Variants in AKAP19 observed in about 807,000 individuals in gnomAD.
AKAP19 encodes the protein A-kinase anchoring protein 19, also known as small A-kinase anchoring protein.
At chr2:190,144,755 T>C in the AKAP19 span, among the ~76,000 whole-genome samples, 3 of 151,934 alleles carry the variant, frequency 2.0e-5, no homozygotes, top group African/African-American at 7.3e-5. Context: ...GGTGGGCAGA[T>C]CACCTGAGGT....
At chr2:190,076,879 T>C in the AKAP19 span, among the ~76,000 whole-genome samples, 6 of 152,206 alleles carry the variant, frequency 3.9e-5, no homozygotes, top group Non-Finnish European at 8.8e-5. Context: ...CTCATCATTT[T>C]CTGGGACTGT....
At chr2:190,024,883 T>C in the AKAP19 span, among the ~76,000 whole-genome samples, 1 of 152,216 alleles carries the variant, frequency 6.6e-6, no homozygotes, top group East Asian at 1.9e-4. Context: ...TTTAAATAGC[T>C]GTCTAATGCT....
chr2:189,921,470 C>T, the AKAP19 span, among the ~76,000 whole-genome samples: 918 of 152,142 alleles, frequency 6.0e-3, 13 homozygotes, highest in African/African-American at 0.021. Flanking sequence ...TGAAGATCCC[C>T]AATATGGTGA....
the AKAP19 span, among the ~76,000 whole-genome samples, chr2:189,886,635 C>T: frequency 6.6e-6 from 1 of 152,178 alleles, no homozygotes; most frequent in African/African-American, 2.4e-5. Flanking sequence ...AACGTCATAT[C>T]AGCAAGGTGA....
At chr2:190,086,198 A>G in the AKAP19 span, among the ~76,000 whole-genome samples, 1 of 152,236 alleles carries the variant, frequency 6.6e-6, no homozygotes, top group Non-Finnish European at 1.5e-5. Context: ...TGGCCTCACT[A>G]TCAATGGAAA....
the AKAP19 span, among the ~76,000 whole-genome samples, chr2:190,166,753 C>T: frequency 1.7e-4 from 26 of 152,236 alleles, 1 homozygote; most frequent in African/African-American, 5.8e-4. Context: ...TAGAATGGGA[C>T]TTCCTTGATC....
the AKAP19 span, among the ~76,000 whole-genome samples, chr2:190,110,294 T>A: frequency 6.6e-6 from 1 of 152,208 alleles, no homozygotes; most frequent in African/African-American, 2.4e-5. Context: ...AGATAAAATA[T>A]CACAGTATGA....
the AKAP19 span, among the ~76,000 whole-genome samples, chr2:189,962,799 A>G: frequency 6.6e-6 from 1 of 152,144 alleles, no homozygotes; most frequent in East Asian, 1.9e-4. Context: ...ATTTTAGCAA[A>G]GCACTATGTA....
the AKAP19 span, among the ~76,000 whole-genome samples, chr2:189,989,449 G>A: frequency 6.6e-6 from 1 of 151,514 alleles, no homozygotes; most frequent in Non-Finnish European, 1.5e-5. Flanking sequence ...TAAAAAAAAA[G>A]AAATGAAAAA....
the AKAP19 span, among the ~76,000 whole-genome samples, chr2:190,192,633 C>T: frequency 6.6e-6 from 1 of 152,004 alleles, no homozygotes; most frequent in Non-Finnish European, 1.5e-5. Context: ...AGAATATTGT[C>T]TTTCAGATCA....
chr2:190,029,033 G>A, the AKAP19 span, among the ~76,000 whole-genome samples: 1 of 152,024 alleles, frequency 6.6e-6, no homozygotes, highest in Non-Finnish European at 1.5e-5. Flanking sequence ...GTGGTGAGGT[G>A]TGGTAAGATG....
the AKAP19 span, among the ~76,000 whole-genome samples, chr2:189,938,339 A>C: frequency 6.6e-6 from 1 of 150,430 alleles, no homozygotes. Context: ...CCATCTCCAA[A>C]AAAAAAAAAA....
chr2:190,042,461 C>A, the AKAP19 span, among the ~76,000 whole-genome samples: 3 of 151,086 alleles, frequency 2.0e-5, no homozygotes, highest in Non-Finnish European at 3.0e-5. Flanking sequence ...TTCAAAAAAA[C>A]AACTCCTGGA....
At chr2:190,027,783 CTATAAG>C in the AKAP19 span, among the ~76,000 whole-genome samples, 1 of 152,292 alleles carries the variant, frequency 6.6e-6, no homozygotes, top group South Asian at 2.1e-4. Context: ...TTTACAAGGA[CTATAAG>C]TATATGGTAG....
chr2:190,180,798 C>T, the AKAP19 span: 1 of 985,318 alleles, frequency 1.0e-6, no homozygotes, highest in Non-Finnish European at 1.2e-6. The surrounding 1 kb of genome is among the most constrained non-coding windows in gnomAD (Gnocchi z 6.8). Flanking sequence ...GCGCGGCGGG[C>T]GCGGCGGCGA....
the AKAP19 span, chr2:190,180,362 C>T: frequency 4.5e-5 from 31 of 686,910 alleles, no homozygotes; most frequent in Admixed American, 1.3e-4. The surrounding 1 kb of genome is among the most constrained non-coding windows in gnomAD (Gnocchi z 6.8). Flanking sequence ...AGGCAGGCCC[C>T]GCGGGGGAGA....
At chr2:190,091,563 A>ACACACACAC in the AKAP19 span, among the ~76,000 whole-genome samples, 4 of 10,076 alleles carry the variant, frequency 4.0e-4, no homozygotes, top group Admixed American at 3.6e-3. Context: ...CACACACACA[A>ACACACACAC]GTAGCCCAAA....
the AKAP19 span, among the ~76,000 whole-genome samples, chr2:189,921,866 A>G: frequency 6.6e-6 from 1 of 152,194 alleles, no homozygotes; most frequent in Non-Finnish European, 1.5e-5. Flanking sequence ...TATTATGAAC[A>G]CCTGGATATG....
At chr2:190,015,641 G>A in the AKAP19 span, among the ~76,000 whole-genome samples, 9 of 152,190 alleles carry the variant, frequency 5.9e-5, no homozygotes, top group South Asian at 2.1e-4. Context: ...ATTCTTTTCC[G>A]GAAAATGGGT....
Sources: allele counts gnomAD v4.1 joint callset (sites outside exome capture counted in the v4.1 genomes callset), GRCh38; gene constraint gnomAD v4.1.1; non-coding constraint Gnocchi (gnomAD v3.1); transcripts MANE v1.5; gene names NCBI Gene and HGNC (gene_info 2026-07-23, HGNC 2026-07-21).